Variants in CES2 observed in about 807,000 individuals in gnomAD.
CES2 encodes the protein carboxylesterase 2, also known as cocaine esterase.
In CES2, 42 loss-of-function variants were observed where a neutral mutation model predicts 52.1. That is an observed-to-expected ratio of 0.81 (90% CI 0.63 to 1.04). The LOEUF (loss-of-function observed/expected upper bound fraction) is 1.04. CES2 is among the 50% of genes least tolerant of loss of function. The probability of loss-of-function intolerance (pLI) is 0.00; values close to 1 mark genes in which losing one functional copy is unlikely to be tolerated. For synonymous variants in CES2, 277 were observed against 289.6 expected, an observed-to-expected ratio of 0.96 and a Z score of 0.44; for missense variants, 656 against 724.3, an observed-to-expected ratio of 0.91 and a Z score of 1.08.
chr16:66,938,012 G>C (rs374577857), intron 1 of CES2, 25 bp from the exon 2 acceptor site: 165 of 1,604,194 alleles, frequency 1.0e-4, no homozygotes, highest in Admixed American at 2.0e-4. Flanking sequence ...AAACCCAACC[G>C]TGATGTCTGT....
upstream of CES2, chr16:66,935,411 C>A: frequency 6.5e-7 from 1 of 1,547,928 alleles, no homozygotes; most frequent in South Asian, 1.2e-5. Context: ...TGGCCGTGCC[C>A]GGGCCTGCCT....
In CES2 at chr16:66,938,519, G is replaced by A. The variant is rs536325439; in HGVS notation, c.281+278G>A. The A allele has an allele frequency of 2.0e-5, 10 of 497,908 alleles. No individual in the cohort carries two copies. In the South Asian group the frequency reaches 2.4e-4, roughly 12 times the overall value. 30.8% of individuals were successfully genotyped at this position (497,908 alleles called of 1,614,324 possible). A position where few individuals can be genotyped will look rare whatever the true frequency, so the allele number is the denominator to read the frequency against. On this transcript the variant is annotated intron_variant, in intron 2 of 11. Transcript: ENST00000317091. ...GACACACGTATCTCCCCAGATTCTG[G>A]TTATGCCAAGCTTTCTCTGCCACCA...
chr16:66,939,578 T>C (rs1262796412), intron 3 of CES2, among the ~76,000 whole-genome samples: 1 of 152,262 alleles, frequency 6.6e-6, no homozygotes, highest in East Asian at 1.9e-4. Context: ...GCTGTGGCTC[T>C]GGGCTGGACC....
upstream of CES2, chr16:66,935,019 G>A (rs28382811): frequency 1.8e-5 from 3 of 170,172 alleles, no homozygotes; most frequent in East Asian, 5.2e-4. Flanking sequence ...GGAGGGGACC[G>A]CGGAGACCCT....
chr16:66,943,992 C>G lies in CES2; in HGVS notation c.1647C>G (p.Leu549=). The G allele has an allele frequency of 6.3e-7, 1 of 1,579,096 alleles. No homozygotes were observed. Among genetic ancestry groups the G allele is most frequent in the Non-Finnish European group, 8.6e-7 (1 of 1,158,388 alleles). The part of the protein sequence containing the change: ...KKALPQKIQE[L]EEPEERHTEL ...CGCTGCCCCAAAAGATCCAGGAGCT[C>G]GAGGAGCCTGAAGAGAGACACACAG... Residue 549 remains leucine (L), a synonymous_variant, in exon 12 of 12, where the codon CTC becomes CTG. Transcript: ENST00000317091. This position sits in a 1 kb window ranked among gnomAD's most constrained non-coding sequence, Gnocchi z 4.2.
chr16:66,943,623 G>A lies in CES2; in HGVS notation c.1494-216G>A. The A allele has an allele frequency of 1.7e-6, 1 of 584,524 alleles. No homozygotes were observed. Among genetic ancestry groups the A allele is most frequent in the South Asian group, 2.2e-5 (1 of 44,450 alleles). The allele number at this position is 584,524 out of a possible 1,614,324, so 36.2% of individuals were successfully genotyped here. ...TCAGGGCCTCCCTCTCAGAGAGAGGGACACAACAGAGCTGGCTGCCCTCCC... is the reference window on the plus strand; with the variant it reads ...TCAGGGCCTCCCTCTCAGAGAGAGGAACACAACAGAGCTGGCTGCCCTCCC... On this transcript the variant is annotated intron_variant, in intron 11 of 11. Transcript: ENST00000317091. The surrounding 1 kb of genome is among the most constrained non-coding windows in gnomAD (Gnocchi z 4.2).
chr16:66,941,698 G>C (rs371136517), intron 7 of CES2, 52 bp downstream of exon 7: 77 of 1,613,132 alleles, frequency 4.8e-5, no homozygotes, highest in Middle Eastern at 3.3e-4. Context: ...CTGGTAGTGG[G>C]GGGTGTTCAG....
At chr16:66,934,554 T>A, upstream of CES2, 1 of 840,492 alleles carries the variant, frequency 1.2e-6, no homozygotes, top group Non-Finnish European at 1.8e-6. The surrounding 1 kb of genome is among the most constrained non-coding windows in gnomAD (Gnocchi z 4.1). Flanking sequence ...GGGAACATGA[T>A]GGTCGCTGGA....
Position 66,939,246 on chromosome 16 carries a change from CAG to C in CES2, c.314_315del (p.Glu105ValfsTer3). ...CTACAGGACCTCACCGCAGTGGAGT[CAG>C]AGTTTCTTAGCCAGTTCAACATGAC... On this transcript the variant is annotated frameshift_variant, in exon 3 of 12. Coordinates refer to ENST00000317091, the MANE Select transcript of CES2 (RefSeq NM_001365405.1). LOFTEE classifies it high-confidence loss of function. 6.2e-7 allele frequency: 1 copy of C among 1,613,714 alleles called. No homozygotes were observed. Among genetic ancestry groups the C allele is most frequent in the Non-Finnish European group, 8.5e-7 (1 of 1,179,818 alleles).
At chr16:66,942,880 A>G in intron 10 of CES2, 95 bp downstream of exon 10, 1 of 1,579,484 alleles carries the variant, frequency 6.3e-7, no homozygotes, top group Non-Finnish European at 8.6e-7. Flanking sequence ...AAGGAAACTG[A>G]GGCTCAGAGA....
Position 66,943,619 on chromosome 16 carries a change from G to A in CES2, c.1494-220G>A, listed in dbSNP as rs1935739233. ...ACCGTCAGGGCCTCCCTCTCAGAGA[G>A]AGGGACACAACAGAGCTGGCTGCCC... is the stretch of plus-strand genomic sequence containing the variant. On this transcript the variant is annotated intron_variant, in intron 11 of 11. Coordinates refer to ENST00000317091, the MANE Select transcript of CES2 (RefSeq NM_001365405.1). The surrounding 1 kb of genome is among the most constrained non-coding windows in gnomAD (Gnocchi z 4.2). 2 of 584,984 alleles carry A rather than the reference G, an allele frequency of 3.4e-6. No homozygotes were observed. The highest frequency in any genetic ancestry group is 2.9e-5 in the East Asian group (1 of 35,086). 36.2% of individuals were successfully genotyped at this position (584,984 alleles called of 1,614,324 possible).
At position 66,941,781 on chromosome 16, in the gene CES2, A is replaced by G; in HGVS notation, c.1070A>G (p.Tyr357Cys). ...CTGGCCATCCAGGTCATGAGGATCTATGATACCCAGAAGGAAATGGACAGA... is the reference window on the plus strand; with the variant it reads ...CTGGCCATCCAGGTCATGAGGATCTGTGATACCCAGAAGGAAATGGACAGA... Reference protein sequence around the residue: ...GWLIPKVMRIYDTQKEMDREA... With the variant: ...GWLIPKVMRICDTQKEMDREA... The change falls in exon 8 of 12, where the codon TAT (tyrosine) becomes TGT (cysteine). Residue 357 changes from tyrosine (Y) to cysteine (C), a missense_variant. Coordinates refer to ENST00000317091, the MANE Select transcript of CES2 (RefSeq NM_001365405.1). The G allele has an allele frequency of 6.2e-7, 1 of 1,614,138 alleles. No individual in the cohort carries two copies. The highest frequency in any genetic ancestry group is 8.5e-7 in the Non-Finnish European group (1 of 1,179,998).
rs555221068 is a variant in CES2 at position 66,943,239 on chromosome 16, C to T, written c.1421-60C>T. ...GGTCTCGGGGGCCAAGGACGAGCTC[C>T]ACCTGGGATGCTGAGGTTGGACATC... On this transcript the variant is annotated intron_variant, in intron 10 of 11. Coordinates refer to ENST00000317091, the MANE Select transcript of CES2 (RefSeq NM_001365405.1). This position sits in a 1 kb window ranked among gnomAD's most constrained non-coding sequence, Gnocchi z 4.2. 6.3e-6 allele frequency: 10 copies of T among 1,575,994 alleles called. No individual in the cohort carries two copies. The Admixed American group carries it at 1.4e-4, about 21-fold the overall frequency.
Position 66,941,384 on chromosome 16 carries a change from G to C in CES2, c.916-122G>C, listed in dbSNP as rs1963359383. ...AGGTCGGTGCATGCTGAGCCAAACA[G>C]TAATCTCCTGGGGTGGGTATGAGCA... On this transcript the variant is annotated intron_variant, in intron 6 of 11. Transcript: ENST00000317091. 2.0e-6 allele frequency: 3 copies of C among 1,521,202 alleles called. No homozygotes were observed. In the South Asian group the frequency reaches 3.8e-5, roughly 19 times the overall value. The allele number at this position is 1,521,202 out of a possible 1,614,324, so 94.2% of individuals were successfully genotyped here. A position where few individuals can be genotyped will look rare whatever the true frequency, so the allele number is the denominator to read the frequency against.
Position 66,939,256 on chromosome 16 carries a change from T to G in CES2, c.321T>G (p.Leu107=). 6.2e-7 allele frequency: 1 copy of G among 1,613,708 alleles called. No individual in the cohort carries two copies. The highest frequency in any genetic ancestry group is 8.5e-7 in the Non-Finnish European group (1 of 1,179,776). The part of the protein sequence containing the change: ...QDLTAVESEF[L]SQFNMTFPSD... ...TCACCGCAGTGGAGTCAGAGTTTCT[T>G]AGCCAGTTCAACATGACCTTCCCTT... The change falls in exon 3 of 12, where the codon CTT becomes CTG. Residue 107 remains leucine, a synonymous_variant. Transcript: ENST00000317091.
rs1435158713 is a variant in CES2, at chr16:66,940,224, G to A, written c.426G>A (p.Val142=). ...AHSHEGSNLP[V]MVWIHGGALV... is the part of the protein sequence containing the mutation. ...GGTAGCTGCCTTGATTTCCCCAGGTGATGGTGTGGATCCACGGTGGTGCGC... is the reference window on the plus strand; with the variant it reads ...GGTAGCTGCCTTGATTTCCCCAGGTAATGGTGTGGATCCACGGTGGTGCGC... Residue 142 remains valine, a splice_region_variant and synonymous_variant, in exon 4 of 12, where the codon GTG becomes GTA. Transcript: ENST00000317091. 2.5e-6 allele frequency: 4 copies of A among 1,613,962 alleles called. No homozygotes were observed. In the South Asian group the frequency reaches 4.4e-5, roughly 18 times the overall value.
At chr16:66,938,600 C>T (rs1024908986) in intron 2 of CES2, among the ~76,000 whole-genome samples, 5 of 152,132 alleles carry the variant, frequency 3.3e-5, no homozygotes, top group Admixed American at 1.3e-4. Flanking sequence ...TGTAGGAGCC[C>T]CTAACTCTAG....
intron 9 of CES2, 86 bp from the exon 10 acceptor site, chr16:66,942,562 T>TATC: frequency 1.3e-6 from 2 of 1,482,672 alleles, no homozygotes; most frequent in Non-Finnish European, 1.9e-6. Flanking sequence ...CCAGCCAGCT[T>TATC]TGGACCTAGG....
upstream of CES2, chr16:66,934,544 G>A: frequency 5.4e-6 from 5 of 922,580 alleles, no homozygotes; most frequent in Non-Finnish European, 7.8e-6. This position sits in a 1 kb window ranked among gnomAD's most constrained non-coding sequence, Gnocchi z 4.1. Context: ...GCTCGGACCC[G>A]GGAACATGAT....
Sources: gnomAD v4.1 joint callset for allele counts (sites outside exome capture counted in the v4.1 genomes callset) on GRCh38, gnomAD v4.1.1 for gene constraint, Gnocchi (gnomAD v3.1) non-coding constraint, MANE v1.5 for transcripts, NCBI Gene and HGNC (gene_info 2026-07-23, HGNC 2026-07-21) for gene names.